AFAP1: variants seen among roughly 807,000 people sequenced by gnomAD.
AFAP1 encodes the protein actin filament-associated protein 1.
A neutral mutation model predicts 93.9 loss-of-function variants in AFAP1; 75 were observed. The observed-to-expected ratio is 0.80, with a 90% CI of 0.66 to 0.97. AFAP1 has a LOEUF of 0.97. AFAP1 is among the 50% of genes least tolerant of loss of function. The probability of loss-of-function intolerance (pLI) is 0.00; values close to 1 mark genes in which losing one functional copy is unlikely to be tolerated. For synonymous variants in AFAP1, 517 were observed against 430.7 expected (o/e 1.20, Z -2.48); for missense variants, 1,201 against 1,050.8 (o/e 1.14, Z -1.98).
At chr4:7,797,834 G>A (rs986739765) in intron 10 of AFAP1, among the ~76,000 whole-genome samples, 6 of 152,096 alleles carry the variant, frequency 3.9e-5, no homozygotes, top group African/African-American at 1.4e-4. Flanking sequence ...CAACATACCT[G>A]CAAAAGGTTC....
At chr4:7,911,285 C>T (rs1719709025) in intron 1 of AFAP1, among the ~76,000 whole-genome samples, 1 of 152,168 alleles carries the variant, frequency 6.6e-6, no homozygotes, top group Non-Finnish European at 1.5e-5. Flanking sequence ...AGGAGCCAGC[C>T]GCCTCCTTCC....
chr4:7,831,817 G>A (rs559405589), intron 6 of AFAP1, among the ~76,000 whole-genome samples: 1 of 152,300 alleles, frequency 6.6e-6, no homozygotes, highest in East Asian at 1.9e-4. Context: ...CATGGGATCG[G>A]GTGAAGAAAA....
chr4:7,815,560 G>T (rs953570725), intron 8 of AFAP1, among the ~76,000 whole-genome samples: 6 of 152,174 alleles, frequency 3.9e-5, no homozygotes, highest in Admixed American at 3.3e-4. Context: ...CTCATCAAGA[G>T]GGAATACCTG....
rs577288436 is a variant in AFAP1 at position 7,928,736 on chromosome 4, G to A, written c.-3+10920C>T. On this transcript the variant is annotated intron_variant, in intron 1 of 17. Transcript: ENST00000420658. ...TAAACCTGTTATTACTATCAATAAT[G>A]TCAATCAGTGCCATTTCATTCACCA... Among the ~76,000 whole-genome samples the A allele has an allele frequency of 7.2e-5, 11 of 152,210 alleles. 1 individual carries two copies. The highest frequency in any genetic ancestry group is 1.5e-4 in the Non-Finnish European group (10 of 68,038).
chr4:7,810,406 A>G (rs1363760612), intron 8 of AFAP1, among the ~76,000 whole-genome samples: 1 of 152,190 alleles, frequency 6.6e-6, no homozygotes, highest in Non-Finnish European at 1.5e-5. Flanking sequence ...GAAAAACATC[A>G]CTGACGCAAA....
At chr4:7,871,197 T>C (rs1395735997) in intron 2 of AFAP1, among the ~76,000 whole-genome samples, 1 of 152,196 alleles carries the variant, frequency 6.6e-6, no homozygotes. Flanking sequence ...AGAGTTAATG[T>C]AGCAGGCCCA....
chr4:7,926,830 G>A (rs1276307588), intron 1 of AFAP1, among the ~76,000 whole-genome samples: 1 of 152,140 alleles, frequency 6.6e-6, no homozygotes, highest in Non-Finnish European at 1.5e-5. Context: ...TCCGCCTCCT[G>A]GTTCAAGCGA....
chr4:7,849,638 T>C (rs1472652334), intron 4 of AFAP1, among the ~76,000 whole-genome samples: 1 of 152,178 alleles, frequency 6.6e-6, no homozygotes, highest in African/African-American at 2.4e-5. Flanking sequence ...TTCATAAGAA[T>C]GATGATGGTG....
chr4:7,827,735 G>A (rs1008583014), intron 6 of AFAP1, among the ~76,000 whole-genome samples: 6 of 151,908 alleles, frequency 3.9e-5, no homozygotes, highest in East Asian at 1.9e-4. Context: ...GAGACACATC[G>A]CAGTCAGCTG....
intron 6 of AFAP1, among the ~76,000 whole-genome samples, chr4:7,837,840 G>A (rs1245192062): frequency 1.3e-5 from 2 of 152,152 alleles, no homozygotes; most frequent in Non-Finnish European, 2.9e-5. Flanking sequence ...GCCACATGGA[G>A]AAATGCTGTC....
chr4:7,901,867 C>T (rs1334335586), intron 1 of AFAP1, among the ~76,000 whole-genome samples: 2 of 152,156 alleles, frequency 1.3e-5, no homozygotes, highest in African/African-American at 4.8e-5. Flanking sequence ...TCTACGTGAT[C>T]ATCTAGAAAA....
chr4:7,914,419 G>A (rs1161599687), intron 1 of AFAP1, among the ~76,000 whole-genome samples: 1 of 152,030 alleles, frequency 6.6e-6, no homozygotes, highest in African/African-American at 2.4e-5. Flanking sequence ...TCTGTCCCTG[G>A]CTTATTTCAC....
chr4:7,761,250 T>TG lies in AFAP1; in HGVS notation c.*2514dup, dbSNP rs1713747088. 1 of 152,256 alleles carries TG rather than the reference T, an allele frequency of 6.6e-6. No homozygotes were observed. Among genetic ancestry groups the TG allele is most frequent in the Admixed American group, 6.5e-5 (1 of 15,284 alleles). The allele number at this position is 152,256 out of a possible 1,614,324, so 9.4% of individuals were successfully genotyped here. A position where few individuals can be genotyped will look rare whatever the true frequency, so the allele number is the denominator to read the frequency against. On this transcript the variant is annotated 3_prime_UTR_variant, in exon 18 of 18. Transcript: ENST00000420658. ...TGAAATTTCAAGGGAGTATCCGCCA[T>TG]GGAAGGAACCCACTGTCAGGCCCCT...
At chr4:7,879,551 A>T (rs1419484138) in intron 1 of AFAP1, among the ~76,000 whole-genome samples, 3 of 152,300 alleles carry the variant, frequency 2.0e-5, no homozygotes, top group Admixed American at 6.5e-5. Context: ...ACCAAACAAA[A>T]GATCTGACCA....
Position 7,913,436 on chromosome 4 carries a change from G to C in AFAP1, c.-3+26220C>G, listed in dbSNP as rs115928804. Among the ~76,000 whole-genome samples, 874 of 151,488 alleles carry C rather than the reference G, an allele frequency of 5.8e-3. 6 individuals are homozygous for C. The highest frequency in any genetic ancestry group is 0.019 in the African/African-American group (768 of 41,306). ...CTAGCGCATCACCCATATTAAAGAT[G>C]GGTATTGTCTTTGTGAAACTTTAAT... On this transcript the variant is annotated intron_variant, in intron 1 of 17. Transcript: ENST00000420658.
intron 4 of AFAP1, among the ~76,000 whole-genome samples, chr4:7,854,661 A>C (rs1714843473): frequency 6.6e-6 from 1 of 152,208 alleles, no homozygotes. Context: ...AGATCAATGC[A>C]CCAGGAGCCT....
intron 1 of AFAP1, among the ~76,000 whole-genome samples, chr4:7,899,265 A>G (rs1462888601): frequency 6.6e-6 from 1 of 152,124 alleles, no homozygotes; most frequent in African/African-American, 2.4e-5. Flanking sequence ...TTTTACAGTT[A>G]TACGCATTTG....
chr4:7,810,800 A>T (rs1719951344), intron 8 of AFAP1, among the ~76,000 whole-genome samples: 1 of 152,192 alleles, frequency 6.6e-6, no homozygotes, highest in Admixed American at 6.5e-5. Flanking sequence ...CGGGCCGGTG[A>T]GGGACAACAC....
At chr4:7,773,117 G>A (rs1266479552) in intron 15 of AFAP1, 107 bp from the exon 16 acceptor site, 11 of 1,458,424 alleles carry the variant, frequency 7.5e-6, no homozygotes, top group East Asian at 2.5e-5. Flanking sequence ...GTCTGAGGTC[G>A]AGCTCCCCTG....
Sources: gnomAD v4.1 joint callset for allele counts (sites outside exome capture counted in the v4.1 genomes callset) on GRCh38, gnomAD v4.1.1 for gene constraint, MANE v1.5 for transcripts, NCBI Gene and HGNC (gene_info 2026-07-23, HGNC 2026-07-21) for gene names.